Variants in SAMMSON observed in about 807,000 individuals in gnomAD.
SAMMSON encodes long intergenic non-protein coding RNA 1212.
chr3:70,255,837 G>A (rs939152266), intron 6 of SAMMSON, among the ~76,000 whole-genome samples: 12 of 152,274 alleles, frequency 7.9e-5, no homozygotes, highest in Middle Eastern at 3.4e-3. Context: ...CCAATTGATG[G>A]AAGCCTCCAT....
intron 9 of SAMMSON, among the ~76,000 whole-genome samples, chr3:70,358,842 G>A (rs1702850131): frequency 6.6e-6 from 1 of 152,118 alleles, no homozygotes; most frequent in African/African-American, 2.4e-5. Flanking sequence ...TCCATATAAT[G>A]TAAAAGAAGC....
At chr3:70,022,354 C>T (rs1011766955) in intron 3 of SAMMSON, among the ~76,000 whole-genome samples, 25 of 140,658 alleles carry the variant, frequency 1.8e-4, no homozygotes, top group African/African-American at 5.1e-4. Flanking sequence ...AGTACACCAA[C>T]ATGGCACATG....
intron 2 of SAMMSON, among the ~76,000 whole-genome samples, chr3:70,411,881 A>G (rs1701222372): frequency 6.6e-6 from 1 of 152,202 alleles, no homozygotes; most frequent in Admixed American, 6.5e-5. Context: ...AGGAGTATGA[A>G]AATGGGCTCA....
intron 4 of SAMMSON, among the ~76,000 whole-genome samples, chr3:70,080,945 G>A (rs2067265759): frequency 6.6e-6 from 1 of 152,124 alleles, no homozygotes; most frequent in Non-Finnish European, 1.5e-5. Context: ...GTGCAGCCCA[G>A]GGAGGTGGGT....
chr3:70,285,525 C>G (rs1187935820), intron 6 of SAMMSON, among the ~76,000 whole-genome samples: 1 of 151,776 alleles, frequency 6.6e-6, no homozygotes, highest in Non-Finnish European at 1.5e-5. Context: ...AATACGTGTG[C>G]ATGTGTCTTT....
chr3:70,211,283 G>GACCTT (rs1701341777), intron 4 of SAMMSON, among the ~76,000 whole-genome samples: 1 of 121,078 alleles, frequency 8.3e-6, no homozygotes, highest in Non-Finnish European at 1.7e-5. Flanking sequence ...CCTTCCCTTT[G>GACCTT]CCCTTCCCTT....
chr3:70,294,844 A>T (rs1241710995), intron 7 of SAMMSON, among the ~76,000 whole-genome samples: 3 of 152,158 alleles, frequency 2.0e-5, no homozygotes, highest in Admixed American at 2.0e-4. Flanking sequence ...AGCATCACGT[A>T]GCAATTTGAT....
chr3:70,024,627 G>C (rs564481731), intron 3 of SAMMSON, among the ~76,000 whole-genome samples: 1 of 152,136 alleles, frequency 6.6e-6, no homozygotes, highest in Non-Finnish European at 1.5e-5. Context: ...TTCTTCACTT[G>C]GTCCTTGAAA....
At chr3:70,145,043 A>C (rs945355554) in intron 4 of SAMMSON, among the ~76,000 whole-genome samples, 1 of 152,070 alleles carries the variant, frequency 6.6e-6, no homozygotes, top group Admixed American at 6.6e-5. Flanking sequence ...TCTGTTACCC[A>C]TCTTTCTCCC....
chr3:70,329,842 G>T (rs377150039), intron 7 of SAMMSON, among the ~76,000 whole-genome samples: 1 of 151,930 alleles, frequency 6.6e-6, no homozygotes, highest in Admixed American at 6.6e-5. Flanking sequence ...GTTTCTAATT[G>T]AATAAGCAGA....
At chr3:70,014,736 A>G (rs1220275144) in intron 3 of SAMMSON, 2 of 152,162 alleles carry the variant, frequency 1.3e-5, no homozygotes, top group African/African-American at 2.4e-5. Flanking sequence ...TCAAGTGTCT[A>G]TGCTGGAGTT....
At chr3:70,328,233 G>A (rs1393380827) in intron 7 of SAMMSON, among the ~76,000 whole-genome samples, 9 of 152,148 alleles carry the variant, frequency 5.9e-5, no homozygotes, top group Non-Finnish European at 1.0e-4. Context: ...TTCAAGATGA[G>A]ATTTGGGTGG....
chr3:70,017,869 T>C (rs929257769), intron 3 of SAMMSON, among the ~76,000 whole-genome samples: 2 of 152,192 alleles, frequency 1.3e-5, no homozygotes, highest in African/African-American at 4.8e-5. Flanking sequence ...TGGTTCTGTT[T>C]ATATGCTGGA....
chr3:70,141,467 T>A (rs2067527216), intron 4 of SAMMSON, among the ~76,000 whole-genome samples: 1 of 152,152 alleles, frequency 6.6e-6, no homozygotes, highest in Non-Finnish European at 1.5e-5. Context: ...CCACCCATGT[T>A]GATGAGAGTG....
At chr3:70,177,127 T>G (rs532210676) in intron 4 of SAMMSON, among the ~76,000 whole-genome samples, 2 of 152,346 alleles carry the variant, frequency 1.3e-5, no homozygotes, top group African/African-American at 4.8e-5. Context: ...TATATATACA[T>G]CTATTTGTTC....
chr3:70,063,767 GCTTGAGT>G (rs1384497624), intron 3 of SAMMSON, among the ~76,000 whole-genome samples: 2 of 152,108 alleles, frequency 1.3e-5, no homozygotes, highest in African/African-American at 4.8e-5. Context: ...GGTAACTGGA[GCTTGAGT>G]CTTAACCTTT....
chr3:70,398,022 C>G (rs1701106418), intron 2 of SAMMSON, among the ~76,000 whole-genome samples: 1 of 151,912 alleles, frequency 6.6e-6, no homozygotes, highest in Non-Finnish European at 1.5e-5. Flanking sequence ...CTTGAATTTC[C>G]AAAACAATTT....
At chr3:70,203,951 A>T (rs1701266809) in intron 4 of SAMMSON, among the ~76,000 whole-genome samples, 1 of 152,152 alleles carries the variant, frequency 6.6e-6, no homozygotes, top group African/African-American at 2.4e-5. Context: ...AAGGGACCAC[A>T]CACGATGAAC....
intron 2 of SAMMSON, among the ~76,000 whole-genome samples, chr3:70,402,234 G>A (rs1701146381): frequency 6.6e-6 from 1 of 152,062 alleles, no homozygotes; most frequent in Non-Finnish European, 1.5e-5. Flanking sequence ...TAGGTTTGTG[G>A]AATAATAAAA....
Sources: allele counts gnomAD v4.1 joint callset (sites outside exome capture counted in the v4.1 genomes callset), GRCh38; gene constraint gnomAD v4.1.1; transcripts MANE v1.5; gene names NCBI Gene and HGNC (gene_info 2026-07-23, HGNC 2026-07-21).